PLCB1: variants seen among roughly 807,000 people sequenced by gnomAD.
The protein encoded by PLCB1 is 1-phosphatidylinositol 4,5-bisphosphate phosphodiesterase beta-1.
In PLCB1, 46 loss-of-function variants were observed where a neutral mutation model predicts 161.8. The observed-to-expected ratio is 0.28, with a 90% CI of 0.22 to 0.36. The LOEUF (loss-of-function observed/expected upper bound fraction) is 0.36, where lower values mean the gene tolerates loss of function less well. Ranked by LOEUF, PLCB1 falls within the 10% of genes least tolerant of loss-of-function variation. The pLI is 1.00. For synonymous variants in PLCB1, 517 were observed against 503.7 expected, an observed-to-expected ratio of 1.03 and a Z score of -0.35; for missense variants, 1,016 against 1,472.5, an observed-to-expected ratio of 0.69 and a Z score of 5.07.
chr20:8,443,627 C>T (rs957780419), intron 3 of PLCB1, among the ~76,000 whole-genome samples: 18 of 152,166 alleles, frequency 1.2e-4, no homozygotes, highest in Non-Finnish European at 2.5e-4. Context: ...CAACTGACTT[C>T]AGTCTGAGTT....
At position 8,789,585 on chromosome 20, in the gene PLCB1, C is replaced by T. The variant is rs1223718541; in HGVS notation, c.3336+10C>T. Reference sequence around the variant, plus strand: ...GCAGTATATCAAGAGGGTATGTGGGCTCATCACGCTCTCTCCTTTGCAAAA... The same window carrying T: ...GCAGTATATCAAGAGGGTATGTGGGTTCATCACGCTCTCTCCTTTGCAAAA... On this transcript the variant is annotated intron_variant, in intron 30 of 31. Coordinates refer to ENST00000338037, the MANE Select transcript of PLCB1 (RefSeq NM_015192.4). 5.7e-6 allele frequency: 9 copies of T among 1,589,502 alleles called. No individual in the cohort carries two copies. The highest frequency in any genetic ancestry group is 1.7e-5 in the Admixed American group (1 of 59,986).
intron 31 of PLCB1, among the ~76,000 whole-genome samples, chr20:8,832,166 T>A (rs1986044515): frequency 6.6e-6 from 1 of 152,116 alleles, no homozygotes; most frequent in African/African-American, 2.4e-5. Flanking sequence ...TAATAGATAT[T>A]TTATTGGCCT....
intron 31 of PLCB1, among the ~76,000 whole-genome samples, chr20:8,844,239 A>C (rs1331383435): frequency 6.6e-6 from 1 of 152,238 alleles, no homozygotes; most frequent in Non-Finnish European, 1.5e-5. Flanking sequence ...TGCCGTTGGC[A>C]CAATTGCTAA....
At chr20:8,267,727 G>A (rs576449702) in intron 2 of PLCB1, among the ~76,000 whole-genome samples, 61 of 152,176 alleles carry the variant, frequency 4.0e-4, no homozygotes, top group South Asian at 1.5e-3. Context: ...AGTGGCTCAG[G>A]AGCCCAGATT....
At chr20:8,197,135 A>G (rs572985164) in intron 2 of PLCB1, among the ~76,000 whole-genome samples, 2 of 152,272 alleles carry the variant, frequency 1.3e-5, no homozygotes, top group East Asian at 1.9e-4. Flanking sequence ...ACATAAGTGT[A>G]CATGTGTCTT....
chr20:8,182,567 T>C (rs977605358), intron 2 of PLCB1, among the ~76,000 whole-genome samples: 2 of 149,342 alleles, frequency 1.3e-5, no homozygotes, highest in African/African-American at 5.1e-5. Flanking sequence ...TGATCACAGT[T>C]GATTATCTTT....
At chr20:8,505,540 T>C (rs1983605053) in intron 3 of PLCB1, among the ~76,000 whole-genome samples, 1 of 152,208 alleles carries the variant, frequency 6.6e-6, no homozygotes, top group South Asian at 2.1e-4. Context: ...CAGTTTGGTG[T>C]TTGTTCCAAA....
intron 9 of PLCB1, among the ~76,000 whole-genome samples, chr20:8,684,587 T>G (rs919279551): frequency 1.3e-5 from 2 of 152,102 alleles, no homozygotes; most frequent in Non-Finnish European, 2.9e-5. Flanking sequence ...GAAAAAAAAT[T>G]GAAAAATTAC....
intron 27 of PLCB1, among the ~76,000 whole-genome samples, chr20:8,777,305 T>G (rs898886846): frequency 1.8e-4 from 27 of 152,216 alleles, no homozygotes; most frequent in African/African-American, 6.3e-4. Context: ...TTACGGGAAG[T>G]GGTCTCCTAG....
intron 31 of PLCB1, among the ~76,000 whole-genome samples, chr20:8,872,959 C>A (rs1568632509): frequency 6.6e-6 from 1 of 152,172 alleles, no homozygotes; most frequent in Non-Finnish European, 1.5e-5. Context: ...TTAAGGATTT[C>A]TTTTCCTTAT....
intron 31 of PLCB1, among the ~76,000 whole-genome samples, chr20:8,825,426 G>A (rs1000637784): frequency 3.9e-5 from 6 of 152,288 alleles, no homozygotes; most frequent in Middle Eastern, 6.8e-3. Context: ...TATAAGGTCT[G>A]GTAGAGTGAG....
chr20:8,870,360 A>G (rs1205858640), intron 31 of PLCB1, among the ~76,000 whole-genome samples: 1 of 152,214 alleles, frequency 6.6e-6, no homozygotes, highest in South Asian at 2.1e-4. Flanking sequence ...TAATTGTTAA[A>G]TGTTCTTTTT....
chr20:8,765,782 A>G (rs1982283875), intron 26 of PLCB1, among the ~76,000 whole-genome samples: 1 of 151,940 alleles, frequency 6.6e-6, no homozygotes, highest in Admixed American at 6.6e-5. Flanking sequence ...CTGTCTCCAG[A>G]GTTTAAGTGA....
chr20:8,726,238 G>C (rs754334305), intron 16 of PLCB1, among the ~76,000 whole-genome samples: 1 of 152,116 alleles, frequency 6.6e-6, no homozygotes, highest in Non-Finnish European at 1.5e-5. Context: ...TTTTAGTGGG[G>C]ATGAGGGTAG....
At chr20:8,549,541 G>T (rs1985699342) in intron 3 of PLCB1, among the ~76,000 whole-genome samples, 1 of 152,150 alleles carries the variant, frequency 6.6e-6, no homozygotes, top group Admixed American at 6.6e-5. Flanking sequence ...AATCATGGGG[G>T]CAGTTTCCCT....
chr20:8,475,060 T>C (rs1323220026), intron 3 of PLCB1, among the ~76,000 whole-genome samples: 1 of 151,894 alleles, frequency 6.6e-6, no homozygotes, highest in East Asian at 1.9e-4. Flanking sequence ...CTTTAGTATA[T>C]TTGGCAAGGA....
At chr20:8,210,736 G>A (rs1050126513) in intron 2 of PLCB1, among the ~76,000 whole-genome samples, 21 of 152,074 alleles carry the variant, frequency 1.4e-4, no homozygotes, top group African/African-American at 5.1e-4. Context: ...CATGGGAAAT[G>A]TTATTTACAT....
chr20:8,326,004 A>C (rs1233170592), intron 2 of PLCB1, among the ~76,000 whole-genome samples: 2 of 152,212 alleles, frequency 1.3e-5, no homozygotes, highest in Admixed American at 1.3e-4. Context: ...TGAAGCTACA[A>C]GTACTTGTAT....
At chr20:8,581,982 A>C (rs1986847451) in intron 3 of PLCB1, among the ~76,000 whole-genome samples, 1 of 152,180 alleles carries the variant, frequency 6.6e-6, no homozygotes, top group Non-Finnish European at 1.5e-5. Context: ...ACATTTGCTG[A>C]GTCATGCGAA....
Sources: gnomAD v4.1 joint callset for allele counts (sites outside exome capture counted in the v4.1 genomes callset) on GRCh38, gnomAD v4.1.1 for gene constraint, MANE v1.5 for transcripts, NCBI Gene and HGNC (gene_info 2026-07-23, HGNC 2026-07-21) for gene names.